Variants in GRID1 observed in about 807,000 individuals in gnomAD.
GRID1 encodes glutamate ionotropic receptor delta type subunit 1, also known as glutamate receptor ionotropic, delta-1.
In GRID1, 28 loss-of-function variants were observed where a neutral mutation model predicts 98.0. The ratio of observed to expected loss-of-function variants is 0.29; its 90% CI spans 0.21 to 0.39. GRID1 has a LOEUF of 0.39. Among genes scored for constraint, GRID1 ranks in the 10% least tolerant of loss-of-function variants. GRID1 has a pLI of 1.00. For missense variants in GRID1, 1,111 were observed against 1,340.5 expected, an observed-to-expected ratio of 0.83 and a Z score of 2.67; for synonymous variants, 553 against 538.5, an observed-to-expected ratio of 1.03 and a Z score of -0.37.
At chr10:86,344,590 C>T (rs1303544285) in intron 2 of GRID1, among the ~76,000 whole-genome samples, 1 of 152,182 alleles carries the variant, frequency 6.6e-6, no homozygotes, top group Non-Finnish European at 1.5e-5. Context: ...GGAGCACAGC[C>T]CCTCCTATAC....
chr10:86,116,146 G>A (rs111885240), intron 4 of GRID1, among the ~76,000 whole-genome samples: 2 of 152,162 alleles, frequency 1.3e-5, no homozygotes, highest in African/African-American at 4.8e-5. Flanking sequence ...TATCCTCATC[G>A]TTAAGTGATG....
At chr10:85,660,161 G>A (rs1840948929) in intron 12 of GRID1, among the ~76,000 whole-genome samples, 1 of 152,256 alleles carries the variant, frequency 6.6e-6, no homozygotes, top group Admixed American at 6.5e-5. Flanking sequence ...CAGTGACAGA[G>A]ACTATCTGCT....
chr10:86,088,300 G>A (rs1438026116), intron 4 of GRID1, among the ~76,000 whole-genome samples: 1 of 152,200 alleles, frequency 6.6e-6, no homozygotes, highest in East Asian at 1.9e-4. Flanking sequence ...AAGAGAGAGA[G>A]GGAGAGGGAT....
intron 12 of GRID1, among the ~76,000 whole-genome samples, chr10:85,650,965 T>C (rs1391454738): frequency 6.6e-6 from 1 of 152,142 alleles, no homozygotes; most frequent in Non-Finnish European, 1.5e-5. Flanking sequence ...TCCTCAGAGC[T>C]GCAGTGTCAG....
intron 14 of GRID1, among the ~76,000 whole-genome samples, chr10:85,615,539 A>G (rs1039045768): frequency 6.6e-6 from 1 of 152,208 alleles, no homozygotes; most frequent in Non-Finnish European, 1.5e-5. Flanking sequence ...AATGTCCTTT[A>G]AGTGCTTAGG....
intron 5 of GRID1, among the ~76,000 whole-genome samples, chr10:85,881,359 C>A (rs1406543629): frequency 6.6e-6 from 1 of 152,224 alleles, no homozygotes; most frequent in East Asian, 1.9e-4. Context: ...CATCACACTA[C>A]CTGACGTCGA....
intron 3 of GRID1, among the ~76,000 whole-genome samples, chr10:86,139,708 A>C (rs994276629): frequency 6.6e-6 from 1 of 152,218 alleles, no homozygotes; most frequent in Non-Finnish European, 1.5e-5. Flanking sequence ...ATCAGGGATG[A>C]GCAGGGGGTT....
intron 3 of GRID1, among the ~76,000 whole-genome samples, chr10:86,172,691 C>G (rs960895183): frequency 6.6e-6 from 1 of 152,154 alleles, no homozygotes; most frequent in Non-Finnish European, 1.5e-5. Context: ...TTGCTCATTA[C>G]TTATCCATCC....
intron 10 of GRID1, 117 bp from the exon 11 acceptor site, chr10:85,724,793 A>C: frequency 1.4e-6 from 1 of 709,570 alleles, no homozygotes; most frequent in Non-Finnish European, 2.3e-6. Context: ...AATGGATTTG[A>C]GAGCTGGCAC....
intron 2 of GRID1, among the ~76,000 whole-genome samples, chr10:86,230,989 A>C (rs554939993): frequency 2.6e-4 from 40 of 152,282 alleles, no homozygotes; most frequent in African/African-American, 9.6e-4. Flanking sequence ...CCCTGGTTCC[A>C]TGAGACTTTC....
chr10:86,140,065 C>T (rs549070605), intron 3 of GRID1, among the ~76,000 whole-genome samples: 1 of 152,328 alleles, frequency 6.6e-6, no homozygotes. Context: ...CTGTTTCTCC[C>T]GAACTTTCCA....
intron 8 of GRID1, among the ~76,000 whole-genome samples, chr10:85,812,694 G>T (rs1842682412): frequency 6.6e-6 from 1 of 151,772 alleles, no homozygotes; most frequent in Admixed American, 6.6e-5. Context: ...CAGGCAGATT[G>T]TGAATGAAAG....
chr10:85,612,480 C>T (rs558049313), intron 15 of GRID1, among the ~76,000 whole-genome samples: 16 of 152,282 alleles, frequency 1.1e-4, no homozygotes, highest in Admixed American at 3.9e-4. Flanking sequence ...AACAGAAGTG[C>T]TTTTGGGTTT....
intron 2 of GRID1, among the ~76,000 whole-genome samples, chr10:86,247,267 G>GGATA (rs147155361): frequency 2.1e-5 from 3 of 146,336 alleles, no homozygotes; most frequent in Non-Finnish European, 4.5e-5. Flanking sequence ...ATAGATGGAT[G>GGATA]GATGGATAGA....
At chr10:86,303,271 A>C (rs566745049) in intron 2 of GRID1, among the ~76,000 whole-genome samples, 160 of 152,392 alleles carry the variant, frequency 1.0e-3, no homozygotes, top group African/African-American at 3.7e-3. Context: ...ACAATGTTTA[A>C]ATCCAGATGT....
chr10:85,694,915 A>G (rs985591390), intron 12 of GRID1, among the ~76,000 whole-genome samples: 1 of 152,040 alleles, frequency 6.6e-6, no homozygotes, highest in Non-Finnish European at 1.5e-5. Context: ...CCACTACACA[A>G]GATAGCCATG....
chr10:85,959,477 T>C (rs1160513939), intron 4 of GRID1, among the ~76,000 whole-genome samples: 1 of 152,338 alleles, frequency 6.6e-6, no homozygotes, highest in Non-Finnish European at 1.5e-5. Context: ...CTGATCCTGA[T>C]GGAGCACATT....
intron 8 of GRID1, among the ~76,000 whole-genome samples, chr10:85,844,853 T>C (rs964188849): frequency 3.9e-5 from 6 of 152,040 alleles, no homozygotes; most frequent in Non-Finnish European, 5.9e-5. Flanking sequence ...AATTATATAA[T>C]TATCTTGATA....
At chr10:85,665,094 G>T (rs985072863) in intron 12 of GRID1, among the ~76,000 whole-genome samples, 6 of 152,198 alleles carry the variant, frequency 3.9e-5, no homozygotes, top group African/African-American at 1.4e-4. Context: ...TGCTACTGTT[G>T]TTGTTAAGGT....
Sources: allele counts gnomAD v4.1 joint callset (sites outside exome capture counted in the v4.1 genomes callset), GRCh38; gene constraint gnomAD v4.1.1; transcripts MANE v1.5; gene names NCBI Gene and HGNC (gene_info 2026-07-23, HGNC 2026-07-21).